The following CDH2 variants were observed in gnomAD, a reference collection of about 807,000 sequenced individuals.
CDH2 encodes the protein cadherin 2.
A neutral mutation model predicts 92.0 loss-of-function variants in CDH2; 17 were observed. The ratio of observed to expected loss-of-function variants is 0.18; its 90% CI spans 0.13 to 0.28. The LOEUF (loss-of-function observed/expected upper bound fraction) is 0.28, where lower values mean the gene tolerates loss of function less well. Ranked by LOEUF, CDH2 falls within the 10% of genes least tolerant of loss-of-function variation. CDH2 has a pLI of 1.00. For missense variants in CDH2, 862 were observed against 1,133.1 expected (o/e 0.76, Z 3.44); for synonymous variants, 419 against 415.9 (o/e 1.01, Z -0.09).
In CDH2 at chr18:28,101,557, G is replaced by A. The variant is rs574343589; in HGVS notation, c.172+46116C>T. On this transcript the variant is annotated intron_variant, in intron 2 of 15. Coordinates refer to ENST00000269141, the MANE Select transcript of CDH2 (RefSeq NM_001792.5). ...CTTGTGATTTATAAACAAATACATCGTCACACATTTCAGAATTTAATCTCA... is the reference window on the plus strand; with the variant it reads ...CTTGTGATTTATAAACAAATACATCATCACACATTTCAGAATTTAATCTCA... Among the ~76,000 whole-genome samples the A allele has an allele frequency of 3.4e-4, 51 of 152,154 alleles. 1 individual carries two copies. The highest frequency in any genetic ancestry group is 1.0e-3 in the Admixed American group (16 of 15,246).
rs116626222 is a variant in CDH2 at position 27,983,337 on chromosome 18, C to G, written c.2210-254G>C. ...GCAAACTCACTTGAGAGGTGATCAT[C>G]CTTGTTCTCAGTTTTACCATCCATA... On this transcript the variant is annotated intron_variant, in intron 13 of 15. Coordinates refer to ENST00000269141, the MANE Select transcript of CDH2 (RefSeq NM_001792.5). Among the ~76,000 whole-genome samples, 919 of 152,272 alleles carry G rather than the reference C, an allele frequency of 6.0e-3. 9 individuals are homozygous for G. Among genetic ancestry groups the G allele is most frequent in the African/African-American group, 0.02 (846 of 41,538 alleles).
intron 2 of CDH2, among the ~76,000 whole-genome samples, chr18:28,043,487 T>A (rs1274787857): frequency 1.0e-3 from 75 of 75,228 alleles, no homozygotes; most frequent in African/African-American, 4.0e-3. Context: ...TATATATATA[T>A]ATATATAAAT....
intron 2 of CDH2, among the ~76,000 whole-genome samples, chr18:28,059,779 T>C (rs868011362): frequency 1.3e-5 from 2 of 152,218 alleles, no homozygotes; most frequent in South Asian, 4.1e-4. Context: ...GTATGTATAT[T>C]ATATATCTGA....
intron 2 of CDH2, among the ~76,000 whole-genome samples, chr18:28,027,520 T>C (rs2013586070): frequency 2.0e-5 from 3 of 151,882 alleles, no homozygotes; most frequent in Admixed American, 2.0e-4. Context: ...TCTTCTTTAA[T>C]ACAAAACTGA....
chr18:27,955,654 T>C (rs1022522948), intron 15 of CDH2, among the ~76,000 whole-genome samples: 11 of 151,858 alleles, frequency 7.2e-5, no homozygotes, highest in African/African-American at 2.7e-4. Context: ...TCAACTCCCA[T>C]ATCCACTATT....
At position 28,177,103 on chromosome 18, in the gene CDH2, A is replaced by C; in HGVS notation, c.-81T>G. 1 of 1,038,898 alleles carries C rather than the reference A, an allele frequency of 9.6e-7. No homozygotes were observed. The highest frequency in any genetic ancestry group is 1.4e-6 in the Non-Finnish European group (1 of 732,712). The allele number at this position is 1,038,898 out of a possible 1,614,324, so 64.4% of individuals were successfully genotyped here. On this transcript the variant is annotated 5_prime_UTR_variant, in exon 1 of 16. Coordinates refer to ENST00000269141, the MANE Select transcript of CDH2 (RefSeq NM_001792.5). The stretch of plus-strand genomic sequence containing the variant: ...CGGCGGAGGAGGAGGAGGCAGCGGC[A>C]GCACCAACAGCGGCGCGGAGAAACG...
At chr18:28,027,142 C>T (rs368154970) in intron 2 of CDH2, among the ~76,000 whole-genome samples, 20 of 152,174 alleles carry the variant, frequency 1.3e-4, no homozygotes, top group African/African-American at 3.4e-4. Flanking sequence ...GCATGAATAT[C>T]GGTTTTTGTG....
intron 2 of CDH2, among the ~76,000 whole-genome samples, chr18:28,061,211 AT>A (rs1357627829): frequency 6.6e-6 from 1 of 152,162 alleles, no homozygotes; most frequent in African/African-American, 2.4e-5. Flanking sequence ...AGTTGTCTTC[AT>A]TATCTTGGTT....
At chr18:27,962,377 A>G (rs780254430) in intron 15 of CDH2, among the ~76,000 whole-genome samples, 1 of 152,210 alleles carries the variant, frequency 6.6e-6, no homozygotes, top group Non-Finnish European at 1.5e-5. Context: ...CAACTATTCC[A>G]ATTTTGTTTT....
intron 5 of CDH2, among the ~76,000 whole-genome samples, chr18:28,009,107 A>C (rs1457582262): frequency 1.3e-5 from 2 of 152,186 alleles, no homozygotes; most frequent in Non-Finnish European, 2.9e-5. Context: ...GAAGGCCTTT[A>C]TCAACATCTC....
At chr18:27,953,212 G>A (rs573780127) in intron 15 of CDH2, among the ~76,000 whole-genome samples, 223 of 152,102 alleles carry the variant, frequency 1.5e-3, no homozygotes, top group Non-Finnish European at 2.2e-3. Context: ...AATAACATGC[G>A]TTATCTGGTT....
chr18:27,956,397 T>G (rs1389554383), intron 15 of CDH2, among the ~76,000 whole-genome samples: 1 of 152,210 alleles, frequency 6.6e-6, no homozygotes, highest in Non-Finnish European at 1.5e-5. Flanking sequence ...ATTTATAGAC[T>G]TCTGATCCCA....
chr18:28,091,305 C>A (rs1416362309), intron 2 of CDH2, among the ~76,000 whole-genome samples: 1 of 152,114 alleles, frequency 6.6e-6, no homozygotes, highest in Admixed American at 6.6e-5. Context: ...AAATTACTTT[C>A]AGAAATGGGA....
chr18:28,006,738 G>T (rs1414137914), intron 5 of CDH2, among the ~76,000 whole-genome samples: 1 of 135,644 alleles, frequency 7.4e-6, no homozygotes, highest in African/African-American at 2.7e-5. Flanking sequence ...AAAAAAAAAA[G>T]AAGTGGAAGT....
At chr18:28,124,125 T>A (rs2144277822) in intron 2 of CDH2, among the ~76,000 whole-genome samples, 1 of 152,224 alleles carries the variant, frequency 6.6e-6, no homozygotes, top group Non-Finnish European at 1.5e-5. Context: ...TGTAGTGATT[T>A]TTTTTTTAAG....
intron 1 of CDH2, among the ~76,000 whole-genome samples, chr18:28,173,101 G>T: frequency 6.6e-6 from 1 of 152,066 alleles, no homozygotes; most frequent in East Asian, 1.9e-4. Context: ...GTCTCTACAT[G>T]TAAAAAGCAA....
Position 27,990,326 on chromosome 18 carries a change from T to G in CDH2, c.1369A>C (p.Met457Leu). 4 of 1,611,478 alleles carry G rather than the reference T, an allele frequency of 2.5e-6. No individual in the cohort carries two copies. Among genetic ancestry groups the G allele is most frequent in the Non-Finnish European group, 3.4e-6 (4 of 1,177,914 alleles). The change falls in exon 10 of 16, where the codon ATG becomes CTG. Residue 457 changes from methionine (M) to leucine (L), a missense_variant. Met to Leu is a conservative substitution (Grantham distance 15, BLOSUM62 2). This residue lies in a region of CDH2 where 564 missense variants were observed against 722.2 expected (regional missense o/e 0.78). Coordinates refer to ENST00000269141, the MANE Select transcript of CDH2 (RefSeq NM_001792.5). ...VKPIDFETNR[M>L]FVLTVAAENQ... ...TCTGCAGCAACAGTAAGGACAAACATCCTATTTGTTTCAAAGTCGATTGGC... is the reference window on the plus strand; with the variant it reads ...TCTGCAGCAACAGTAAGGACAAACAGCCTATTTGTTTCAAAGTCGATTGGC...
chr18:27,963,534 A>AAAATC lies in CDH2; in HGVS notation c.2350-18_2350-14dup. 5 of 1,612,872 alleles carry AAAATC rather than the reference A, an allele frequency of 3.1e-6. No individual in the cohort carries two copies. The highest frequency in any genetic ancestry group is 4.2e-6 in the Non-Finnish European group (5 of 1,179,086). On this transcript the variant is annotated splice_polypyrimidine_tract_variant and intron_variant, in intron 14 of 15. Coordinates refer to ENST00000269141, the MANE Select transcript of CDH2 (RefSeq NM_001792.5). Reference sequence around the variant, plus strand: ...TCAAGTCATAGTCCTGCAAAAAGACAAAATCAAAAACCGATGGGAGATGGG... The same window carrying AAAATC: ...TCAAGTCATAGTCCTGCAAAAAGACAAAATCAAATCAAAAACCGATGGGAGATGGG...
chr18:28,098,162 C>A (rs2015167429), intron 2 of CDH2, among the ~76,000 whole-genome samples: 1 of 151,994 alleles, frequency 6.6e-6, no homozygotes, highest in Admixed American at 6.6e-5. Context: ...AGTAAATATA[C>A]TAATAGCACA....
Sources: gnomAD v4.1 joint callset for allele counts (sites outside exome capture counted in the v4.1 genomes callset) on GRCh38, gnomAD v4.1.1 for gene constraint, gnomAD v4.1.1 regional missense constraint, MANE v1.5 for transcripts, NCBI Gene and HGNC (gene_info 2026-07-23, HGNC 2026-07-21) for gene names.